FOXJ2: variants seen among roughly 807,000 people sequenced by gnomAD.
FOXJ2 encodes forkhead box J2.
FOXJ2 carries 18 observed loss-of-function variants against 68.4 expected under a neutral mutation model. The observed-to-expected ratio is 0.26, with a 90% confidence interval of 0.18 to 0.39. The LOEUF (loss-of-function observed/expected upper bound fraction) is 0.39. FOXJ2 is among the 10% of genes least tolerant of loss of function. FOXJ2 has a pLI of 1.00. For synonymous variants in FOXJ2, 274 were observed against 263.2 expected (o/e 1.04, Z -0.40); for missense variants, 670 against 726.5 (o/e 0.92, Z 0.89).
At position 8,050,504 on chromosome 12, in the gene FOXJ2, CTT is replaced by C; in HGVS notation, c.1538-17_1538-16del. ...CCCGCCCCCCCCAACTCAAGTAACT[CTT>C]GTCTTGCTTTGGCAGTGAACTCTTA... On this transcript the variant is annotated splice_polypyrimidine_tract_variant and intron_variant, in intron 9 of 10. Transcript: ENST00000162391. 6.2e-7 allele frequency: 1 copy of C among 1,608,152 alleles called. No individual in the cohort carries two copies. Among genetic ancestry groups the C allele is most frequent in the East Asian group, 2.2e-5 (1 of 44,552 alleles).
chr12:8,048,622 G>A (rs997254618), intron 7 of FOXJ2, 75 bp from the exon 8 acceptor site: 1 of 1,388,980 alleles, frequency 7.2e-7, no homozygotes, highest in Middle Eastern at 1.9e-4. Flanking sequence ...CTTGCATGTA[G>A]TCAGCCTGGT....
Position 8,039,743 on chromosome 12 carries a change from T to C in FOXJ2, c.-14-76T>C, listed in dbSNP as rs1348866092. On this transcript the variant is annotated intron_variant, in intron 1 of 10. Transcript: ENST00000162391. ...TATGGGAATGAGAGTAGGAAGAAACTCTACTTCCCTCAAACAAAAGGATTT... is the reference window on the plus strand; with the variant it reads ...TATGGGAATGAGAGTAGGAAGAAACCCTACTTCCCTCAAACAAAAGGATTT... 3 of 1,267,166 alleles carry C rather than the reference T, an allele frequency of 2.4e-6. No homozygotes were observed. In the East Asian group the frequency reaches 7.0e-5, roughly 30 times the overall value. 78.5% of individuals were successfully genotyped at this position (1,267,166 alleles called of 1,614,324 possible).
In FOXJ2 at chr12:8,052,844, C is replaced by T. The variant is rs763866727; in HGVS notation, c.1719C>T (p.Ile573=). The part of the protein sequence containing the change: ...EIPDDFDWDL[I]T ...CTGATGACTTCGACTGGGACTTGAT[C>T]ACTTAGTGCATCACAGAGTGTGGAC... The change falls in exon 11 of 11, where the codon ATC becomes ATT. Residue 573 remains isoleucine (I), a synonymous_variant. Transcript: ENST00000162391. 1.2e-6 allele frequency: 2 copies of T among 1,603,724 alleles called. No homozygotes were observed. The highest frequency in any genetic ancestry group is 1.7e-6 in the Non-Finnish European group (2 of 1,173,710).
rs371992034 is a variant in FOXJ2, at chr12:8,052,751, C to T, written c.1637-11C>T. The stretch of plus-strand genomic sequence containing the variant: ...CACTCTCCTTTTACTCTCTTTCTTT[C>T]TTTCTAACAGCACACCATATGGTCC... On this transcript the variant is annotated splice_polypyrimidine_tract_variant and intron_variant, in intron 10 of 10. Transcript: ENST00000162391. 1.2e-6 allele frequency: 2 copies of T among 1,602,214 alleles called. No homozygotes were observed. Among genetic ancestry groups the T allele is most frequent in the African/African-American group, 2.7e-5 (2 of 74,746 alleles).
At position 8,039,943 on chromosome 12, in the gene FOXJ2, G is replaced by C; in HGVS notation, c.111G>C (p.Gly37=). Residue 37 remains glycine (G), a synonymous_variant, in exon 2 of 11, where the codon GGG becomes GGC. Transcript: ENST00000162391. ...GTGCCTCCCAGGCTGGGCCTCCCGGGAGCAGCCGCAAGTGTTCACCAGGGT... is the reference window on the plus strand; with the variant it reads ...GTGCCTCCCAGGCTGGGCCTCCCGGCAGCAGCCGCAAGTGTTCACCAGGGT... ...LGSASQAGPP[G]SSRKCSPGSP... 1 of 1,614,032 alleles carries C rather than the reference G, an allele frequency of 6.2e-7. No homozygotes were observed. Among genetic ancestry groups the C allele is most frequent in the East Asian group, 2.2e-5 (1 of 44,862 alleles).
chr12:8,048,566 T>G, intron 7 of FOXJ2, 131 bp from the exon 8 acceptor site: 1 of 1,155,852 alleles, frequency 8.7e-7, no homozygotes, highest in South Asian at 1.4e-5. Context: ...GGAGGGAGAG[T>G]CCAAAACTTG....
intron 10 of FOXJ2, among the ~76,000 whole-genome samples, chr12:8,051,042 T>C (rs1947117953): frequency 1.9e-5 from 2 of 106,536 alleles, no homozygotes; most frequent in Admixed American, 1.0e-4. Context: ...TTCCTTCCCC[T>C]TCCCCTTCCC....
At position 8,047,985 on chromosome 12, in the gene FOXJ2, G is replaced by A. The variant is rs781556338; in HGVS notation, c.921G>A (p.Pro307=). 108 of 1,613,338 alleles carry A rather than the reference G, an allele frequency of 6.7e-5. No homozygotes were observed. The East Asian group carries it at 1.5e-3, about 22-fold the overall frequency. The stretch of plus-strand genomic sequence containing the variant: ...AACAGCAGCAGCAGCAGCAGCAGCC[G>A]CCACAGCCACCTCCCCAGCAGTCCC... ...PPQQQQQQQQ[P]PQPPPQQSQP... The change falls in exon 7 of 11, where the codon CCG becomes CCA. Residue 307 remains proline, a synonymous_variant. Transcript: ENST00000162391.
At chr12:8,049,702 A>G (rs1744511534) in intron 9 of FOXJ2, 131 bp downstream of exon 9, 2 of 747,458 alleles carry the variant, frequency 2.7e-6, no homozygotes, top group African/African-American at 3.5e-5. Context: ...GAACTAGTTT[A>G]TCAGTTGACT....
At chr12:8,050,965 C>T (rs1182707831) in intron 10 of FOXJ2, among the ~76,000 whole-genome samples, 2 of 114,428 alleles carry the variant, frequency 1.7e-5, no homozygotes, top group African/African-American at 3.3e-5. Context: ...CTTTCCTCTT[C>T]CCTTCCCCTC....
chr12:8,053,005 CCGAAGATAACCCT>C lies in FOXJ2; in HGVS notation c.*157_*169del, dbSNP rs1947145692. 1 of 414,594 alleles carries C rather than the reference CCGAAGATAACCCT, an allele frequency of 2.4e-6. No homozygotes were observed. The highest frequency in any genetic ancestry group is 6.1e-5 in the South Asian group (1 of 16,470). 25.7% of individuals were successfully genotyped at this position (414,594 alleles called of 1,614,324 possible). On this transcript the variant is annotated 3_prime_UTR_variant, in exon 11 of 11. Transcript: ENST00000162391. This position sits in a 1 kb window ranked among gnomAD's most constrained non-coding sequence, Gnocchi z 4.1. Reference sequence around the variant, plus strand: ...TCAGAGAAGCCACTGCAAGATGCTGCCGAAGATAACCCTCTCTTTCCTGCCTCATTCTTCTCTC... The same window carrying C: ...TCAGAGAAGCCACTGCAAGATGCTGCCTCTTTCCTGCCTCATTCTTCTCTC...
At chr12:8,046,251 T>G (rs1050163313) in intron 6 of FOXJ2, among the ~76,000 whole-genome samples, 7 of 152,214 alleles carry the variant, frequency 4.6e-5, no homozygotes, top group Non-Finnish European at 1.0e-4. Flanking sequence ...CAGTTTCTTT[T>G]TAGTGTATTT....
chr12:8,044,777 T>C lies in FOXJ2; in HGVS notation c.636T>C (p.Asp212=). 6.2e-7 allele frequency: 1 copy of C among 1,613,860 alleles called. No individual in the cohort carries two copies. Among genetic ancestry groups the C allele is most frequent in the Non-Finnish European group, 8.5e-7 (1 of 1,179,844 alleles). ...TTTTGCAGGGCACAGGATCTGTGGA[T>C]GGTGGAGCAGTGGCAGCAGGGGCTT... ...ASYSQGTGSV[D]GGAVAAGASG... The change falls in exon 6 of 11, where the codon GAT becomes GAC. Residue 212 remains aspartate (D), a synonymous_variant. Transcript: ENST00000162391.
At chr12:8,049,734 A>C (rs910252254) in intron 9 of FOXJ2, 163 bp downstream of exon 9, 2 of 598,746 alleles carry the variant, frequency 3.3e-6, no homozygotes, top group Admixed American at 6.9e-5. Flanking sequence ...GAATCAGTGA[A>C]GTCCTAAACT....
intron 1 of FOXJ2, among the ~76,000 whole-genome samples, chr12:8,034,558 G>C (rs1311717537): frequency 6.6e-6 from 1 of 152,146 alleles, no homozygotes; most frequent in Non-Finnish European, 1.5e-5. Context: ...CTGAACCACT[G>C]CCCCAGTCCC....
intron 10 of FOXJ2, among the ~76,000 whole-genome samples, chr12:8,051,449 C>T (rs536380771): frequency 9.3e-4 from 142 of 152,008 alleles, no homozygotes; most frequent in Non-Finnish European, 1.8e-3. Context: ...TTAAAATTAG[C>T]AACTGCAATA....
intron 6 of FOXJ2, 128 bp downstream of exon 6, chr12:8,045,086 C>A: frequency 2.1e-6 from 2 of 940,244 alleles, no homozygotes; most frequent in Non-Finnish European, 3.1e-6. Context: ...CTCTTTCGTC[C>A]AAGCTGGAGT....
chr12:8,047,463 C>A (rs188846877), intron 6 of FOXJ2, among the ~76,000 whole-genome samples: 93 of 151,846 alleles, frequency 6.1e-4, no homozygotes, highest in African/African-American at 2.1e-3. Flanking sequence ...AAACAAAAAA[C>A]GGAAGGAAGA....
Position 8,048,010 on chromosome 12 carries a change from C to G in FOXJ2, c.946C>G (p.Gln316Glu). ...QPPQPPPQQS[Q>E]PQQQQAPAQG... ...GCCACAGCCACCTCCCCAGCAGTCCCAGCCACAGCAGCAGCAGGCACCTGC... is the reference window on the plus strand; with the variant it reads ...GCCACAGCCACCTCCCCAGCAGTCCGAGCCACAGCAGCAGCAGGCACCTGC... Residue 316 changes from glutamine to glutamate, a missense_variant, in exon 7 of 11, where the codon CAG becomes GAG. Coordinates refer to ENST00000162391, the MANE Select transcript of FOXJ2 (RefSeq NM_018416.3). 6.2e-7 allele frequency: 1 copy of G among 1,613,992 alleles called. No homozygotes were observed. Among genetic ancestry groups the G allele is most frequent in the Non-Finnish European group, 8.5e-7 (1 of 1,179,972 alleles).
Sources: gnomAD v4.1 joint callset for allele counts (sites outside exome capture counted in the v4.1 genomes callset) on GRCh38, gnomAD v4.1.1 for gene constraint, Gnocchi (gnomAD v3.1) non-coding constraint, MANE v1.5 for transcripts, NCBI Gene and HGNC (gene_info 2026-07-23, HGNC 2026-07-21) for gene names.